NAV2: variants seen among roughly 807,000 people sequenced by gnomAD.
NAV2 encodes neuron navigator 2.
NAV2 carries 54 observed loss-of-function variants against 223.2 expected under a neutral mutation model. The observed-to-expected ratio is 0.24, with a 90% CI of 0.19 to 0.30. The LOEUF (loss-of-function observed/expected upper bound fraction) is 0.30, where lower values mean the gene tolerates loss of function less well. Ranked by LOEUF, NAV2 falls within the 10% of genes least tolerant of loss-of-function variation. The pLI is 1.00. For missense variants in NAV2, 2,806 were observed against 3,147.5 expected (o/e 0.89, Z 2.60); for synonymous variants, 1,279 against 1,239.3 (o/e 1.03, Z -0.67).
chr11:19,992,386 G>A (rs1189883055), intron 11 of NAV2, among the ~76,000 whole-genome samples: 1 of 152,164 alleles, frequency 6.6e-6, no homozygotes, highest in Non-Finnish European at 1.5e-5. Flanking sequence ...AAAGAGAGGA[G>A]AAGGAATAGT....
At chr11:20,059,228 A>G (rs2058552183) in intron 19 of NAV2, among the ~76,000 whole-genome samples, 1 of 152,046 alleles carries the variant, frequency 6.6e-6, no homozygotes, top group Non-Finnish European at 1.5e-5. Context: ...ACAGTACCCA[A>G]TTGTGGAATG....
intron 1 of NAV2, among the ~76,000 whole-genome samples, chr11:19,522,002 T>A (rs1203815357): frequency 6.6e-6 from 1 of 152,228 alleles, no homozygotes; most frequent in Non-Finnish European, 1.5e-5. Context: ...CTCAGTGGCC[T>A]ACTAGCTGCA....
intron 1 of NAV2, among the ~76,000 whole-genome samples, chr11:19,638,161 C>T (rs1303207621): frequency 3.3e-5 from 5 of 152,158 alleles, no homozygotes; most frequent in African/African-American, 7.2e-5. Flanking sequence ...TCTACATGAT[C>T]CTACTTCCTG....
intron 1 of NAV2, among the ~76,000 whole-genome samples, chr11:19,442,288 A>C (rs116311379): frequency 6.6e-6 from 1 of 152,376 alleles, no homozygotes; most frequent in African/African-American, 2.4e-5. Flanking sequence ...CTGGGCCTCC[A>C]TTCCTATTTC....
At chr11:19,845,233 G>A (rs2060731848) in intron 3 of NAV2, among the ~76,000 whole-genome samples, 1 of 152,208 alleles carries the variant, frequency 6.6e-6, no homozygotes, top group Non-Finnish European at 1.5e-5. Flanking sequence ...ATGGCATAGG[G>A]TGTGAGCCAC....
chr11:19,973,270 A>G (rs183798525), intron 10 of NAV2, among the ~76,000 whole-genome samples: 4 of 152,146 alleles, frequency 2.6e-5, no homozygotes, highest in Admixed American at 6.5e-5. Context: ...CCACCCCTAC[A>G]GGCTCTAGTC....
chr11:19,593,865 A>G (rs573822192), intron 1 of NAV2, among the ~76,000 whole-genome samples: 1 of 152,152 alleles, frequency 6.6e-6, no homozygotes, highest in South Asian at 2.1e-4. Flanking sequence ...TCTACATGTC[A>G]TTTACCCATC....
chr11:19,697,635 T>C (rs946529811), intron 1 of NAV2, among the ~76,000 whole-genome samples: 3 of 151,982 alleles, frequency 2.0e-5, no homozygotes, highest in Non-Finnish European at 4.4e-5. Flanking sequence ...GGAGGGGTCT[T>C]GGGGACCCCG....
At chr11:19,984,625 T>C (rs12796916) in intron 11 of NAV2, among the ~76,000 whole-genome samples, 12,066 of 152,270 alleles carry the variant, frequency 0.079, 606 homozygotes, top group South Asian at 0.12. Context: ...ACAGAAGGTC[T>C]GTGTGCAGAA....
At chr11:19,472,671 C>T (rs927392836) in intron 1 of NAV2, among the ~76,000 whole-genome samples, 2 of 152,124 alleles carry the variant, frequency 1.3e-5, no homozygotes, top group Admixed American at 6.5e-5. Flanking sequence ...TGGCCCCTAG[C>T]AGGCCTCAGG....
At chr11:19,862,362 G>C (rs1171674001) in intron 3 of NAV2, among the ~76,000 whole-genome samples, 1 of 152,206 alleles carries the variant, frequency 6.6e-6, no homozygotes, top group East Asian at 1.9e-4. Flanking sequence ...CTCATAAGCT[G>C]TGTCCAGCCC....
intron 3 of NAV2, among the ~76,000 whole-genome samples, chr11:19,859,362 C>T (rs2061561916): frequency 6.6e-6 from 1 of 150,562 alleles, no homozygotes; most frequent in Admixed American, 6.6e-5. Context: ...ATGCTGCCTT[C>T]AAGCTTCTGT....
chr11:19,781,490 T>G (rs951624873), intron 1 of NAV2, among the ~76,000 whole-genome samples: 4 of 151,862 alleles, frequency 2.6e-5, no homozygotes, highest in Non-Finnish European at 5.9e-5. Flanking sequence ...AAGGAGAAAG[T>G]GGCTCTGCAT....
At chr11:19,640,565 A>G (rs1371131560) in intron 1 of NAV2, among the ~76,000 whole-genome samples, 1 of 152,090 alleles carries the variant, frequency 6.6e-6, no homozygotes, top group Non-Finnish European at 1.5e-5. Context: ...CCATTATTTC[A>G]GGGCTGACAT....
chr11:19,681,814 A>G (rs887690626), intron 1 of NAV2, among the ~76,000 whole-genome samples: 12 of 152,184 alleles, frequency 7.9e-5, no homozygotes. Flanking sequence ...ATCCACTGAG[A>G]CCTGTGGACA....
intron 10 of NAV2, among the ~76,000 whole-genome samples, chr11:19,974,362 G>A (rs1038927452): frequency 2.0e-5 from 3 of 152,164 alleles, no homozygotes; most frequent in African/African-American, 7.2e-5. Context: ...CTGTAATGGT[G>A]GGTAGGTGAC....
chr11:19,525,549 G>A (rs2043814794), intron 1 of NAV2, among the ~76,000 whole-genome samples: 1 of 152,290 alleles, frequency 6.6e-6, no homozygotes, highest in South Asian at 2.1e-4. Flanking sequence ...AGGGAGCCAC[G>A]CAGGGGAAGA....
intron 1 of NAV2, among the ~76,000 whole-genome samples, chr11:19,718,158 A>G (rs1025510281): frequency 2.6e-5 from 4 of 151,756 alleles, no homozygotes; most frequent in African/African-American, 9.7e-5. Flanking sequence ...CCAAGTATGA[A>G]CATTTATAGC....
At chr11:19,901,340 A>G (rs1214357789) in intron 6 of NAV2, among the ~76,000 whole-genome samples, 2 of 152,156 alleles carry the variant, frequency 1.3e-5, no homozygotes, top group African/African-American at 4.8e-5. Flanking sequence ...TGAGGTCTGG[A>G]GTTTGAGACC....
Sources: gnomAD v4.1 joint callset for allele counts (sites outside exome capture counted in the v4.1 genomes callset) on GRCh38, gnomAD v4.1.1 for gene constraint, MANE v1.5 for transcripts, NCBI Gene and HGNC (gene_info 2026-07-23, HGNC 2026-07-21) for gene names.